The following PLAAT3 variants were observed in gnomAD, a reference collection of about 807,000 sequenced individuals.
PLAAT3 encodes Ca-independent phospholipase A1/2.
Under a neutral mutation model 16.7 loss-of-function variants are expected in PLAAT3, and 21 were observed. That is an observed-to-expected ratio of 1.26 (90% CI 0.89 to 1.81). The LOEUF is 1.81. Ranked by LOEUF, PLAAT3 falls within the 40% of genes most tolerant of loss-of-function variation. The pLI, the probability that PLAAT3 is intolerant of heterozygous loss-of-function variation, is 0.00. For missense variants in PLAAT3, 219 were observed against 213.7 expected, an observed-to-expected ratio of 1.02 and a Z score of -0.16; for synonymous variants, 76 against 81.7, an observed-to-expected ratio of 0.93 and a Z score of 0.38.
At chr11:63,608,904 C>T (rs12289424) in intron 2 of PLAAT3, among the ~76,000 whole-genome samples, 4,489 of 152,218 alleles carry the variant, frequency 0.029, 202 homozygotes, top group African/African-American at 0.1. Context: ...TCCTCAGCTG[C>T]AAAATGGGGA....
chr11:63,595,420 C>T (rs1420470806), intron 3 of PLAAT3, among the ~76,000 whole-genome samples: 1 of 151,804 alleles, frequency 6.6e-6, no homozygotes, highest in Non-Finnish European at 1.5e-5. Flanking sequence ...AAATACACAG[C>T]AGTGAAAAAG....
intron 3 of PLAAT3, among the ~76,000 whole-genome samples, chr11:63,593,777 G>A (rs1340965202): frequency 3.3e-5 from 5 of 152,034 alleles, no homozygotes; most frequent in Admixed American, 6.6e-5. Flanking sequence ...ACGGGGTTTC[G>A]CCATGTTGGC....
intron 3 of PLAAT3, among the ~76,000 whole-genome samples, chr11:63,596,557 A>C (rs1938293542): frequency 6.6e-6 from 1 of 151,750 alleles, no homozygotes; most frequent in Non-Finnish European, 1.5e-5. Flanking sequence ...AGGAGCCCTG[A>C]GCTTGTTTTC....
chr11:63,607,249 C>T (rs922520683), intron 2 of PLAAT3, among the ~76,000 whole-genome samples: 8 of 152,016 alleles, frequency 5.3e-5, no homozygotes, highest in Admixed American at 2.0e-4. Flanking sequence ...CAACGAGAGG[C>T]GGGGACACAG....
chr11:63,599,521 T>C (rs1489083574), intron 2 of PLAAT3, among the ~76,000 whole-genome samples: 1 of 152,216 alleles, frequency 6.6e-6, no homozygotes, highest in African/African-American at 2.4e-5. Context: ...GCCAGTTTGC[T>C]TATTATTTCA....
intron 3 of PLAAT3, among the ~76,000 whole-genome samples, chr11:63,592,801 C>A (rs1240222628): frequency 6.6e-6 from 1 of 152,184 alleles, no homozygotes; most frequent in Non-Finnish European, 1.5e-5. Context: ...CATGCTTTCA[C>A]CAGTGTCTGG....
At chr11:63,590,829 G>A (rs915429488) in intron 3 of PLAAT3, among the ~76,000 whole-genome samples, 5 of 152,170 alleles carry the variant, frequency 3.3e-5, no homozygotes, top group South Asian at 2.1e-4. Flanking sequence ...CCACCAAAAC[G>A]CACAGCTGTC....
chr11:63,606,746 C>T (rs1039362459), intron 2 of PLAAT3, among the ~76,000 whole-genome samples: 7 of 151,976 alleles, frequency 4.6e-5, no homozygotes, highest in African/African-American at 1.7e-4. Flanking sequence ...GCAAGGAGGC[C>T]AACGAGGCCG....
chr11:63,577,936 A>G (rs1421792486), intron 4 of PLAAT3, among the ~76,000 whole-genome samples: 1 of 152,188 alleles, frequency 6.6e-6, no homozygotes, highest in Non-Finnish European at 1.5e-5. Flanking sequence ...TCTCAAAAAG[A>G]ATAGCAAAAA....
chr11:63,601,148 G>A (rs868328564), intron 2 of PLAAT3, among the ~76,000 whole-genome samples: 15 of 146,976 alleles, frequency 1.0e-4, no homozygotes, highest in African/African-American at 2.0e-4. Context: ...TCCGCTTCCC[G>A]GGTTCATGTC....
chr11:63,586,403 G>C (rs1937979673), intron 4 of PLAAT3, among the ~76,000 whole-genome samples: 1 of 152,118 alleles, frequency 6.6e-6, no homozygotes, highest in Non-Finnish European at 1.5e-5. Flanking sequence ...CAAAGTGCTG[G>C]GATTACAGGC....
In PLAAT3 at chr11:63,595,832, T is replaced by C. The variant is rs186495271; in HGVS notation, c.118+2229A>G. On this transcript the variant is annotated intron_variant, in intron 3 of 4. Coordinates refer to ENST00000415826, the MANE Select transcript of PLAAT3 (RefSeq NM_001128203.2). ...CACAAGAGTTCTCCAAGTTAAGTAT[T>C]CATATCCTCAGTTTGCAAAAAAGGA... 1.3e-3 allele frequency among the ~76,000 whole-genome samples: 200 copies of C among 152,298 alleles called. 1 individual carries two copies. Among genetic ancestry groups the C allele is most frequent in the African/African-American group, 4.5e-3 (185 of 41,554 alleles).
chr11:63,607,938 G>A (rs1243520853), intron 2 of PLAAT3, among the ~76,000 whole-genome samples: 1 of 152,058 alleles, frequency 6.6e-6, no homozygotes. Flanking sequence ...TGTAATCCCA[G>A]CACTTTGGGA....
intron 4 of PLAAT3, among the ~76,000 whole-genome samples, chr11:63,578,961 C>A (rs1037200223): frequency 6.6e-6 from 1 of 151,792 alleles, no homozygotes; most frequent in East Asian, 1.9e-4. Flanking sequence ...GAAAATTTTT[C>A]CAATCTACTC....
At chr11:63,607,902 G>A (rs1156983506) in intron 2 of PLAAT3, among the ~76,000 whole-genome samples, 1 of 151,968 alleles carries the variant, frequency 6.6e-6, no homozygotes, top group Non-Finnish European at 1.5e-5. Context: ...AAGTTCCCAG[G>A]TGGGCCGGGC....
chr11:63,588,804 G>C (rs554502778), intron 4 of PLAAT3, among the ~76,000 whole-genome samples: 1 of 152,136 alleles, frequency 6.6e-6, no homozygotes, highest in African/African-American at 2.4e-5. Context: ...TCCCACTGTA[G>C]ACAGGTATAG....
chr11:63,582,117 T>C (rs1021430332), intron 4 of PLAAT3, among the ~76,000 whole-genome samples: 4 of 152,196 alleles, frequency 2.6e-5, no homozygotes, highest in African/African-American at 9.7e-5. Flanking sequence ...GATTGGAGCA[T>C]TGTGACTCCA....
chr11:63,580,396 C>T (rs552775708), intron 4 of PLAAT3, among the ~76,000 whole-genome samples: 25 of 152,360 alleles, frequency 1.6e-4, no homozygotes, highest in African/African-American at 5.8e-4. Flanking sequence ...TGGCTCACGC[C>T]TGTAATCCCA....
chr11:63,598,205 C>G (rs750267636), intron 2 of PLAAT3, 42 bp from the exon 3 acceptor site: 2 of 1,393,286 alleles, frequency 1.4e-6, no homozygotes, highest in East Asian at 4.6e-5. Context: ...AGCATGAGAT[C>G]GTGGAACCAG....
Sources: allele counts gnomAD v4.1 joint callset (sites outside exome capture counted in the v4.1 genomes callset), GRCh38; gene constraint gnomAD v4.1.1; transcripts MANE v1.5; gene names NCBI Gene and HGNC (gene_info 2026-07-23, HGNC 2026-07-21).